DNAH8: variants seen among roughly 807,000 people sequenced by gnomAD.
The protein encoded by DNAH8 is axonemal beta dynein heavy chain 8.
A neutral mutation model predicts 562.1 loss-of-function variants in DNAH8; 382 were observed. The ratio of observed to expected loss-of-function variants is 0.68; its 90% confidence interval spans 0.63 to 0.74. The LOEUF is 0.74. Ranked by LOEUF, DNAH8 falls within the 30% of genes least tolerant of loss-of-function variation. The pLI is 0.00. For synonymous variants in DNAH8, 1,881 were observed against 1,919.4 expected, an observed-to-expected ratio of 0.98 and a Z score of 0.52; for missense variants, 5,203 against 5,620.4, an observed-to-expected ratio of 0.93 and a Z score of 2.37.
At chr6:38,876,882 T>C (rs1243087586) in intron 53 of DNAH8, among the ~76,000 whole-genome samples, 1 of 152,154 alleles carries the variant, frequency 6.6e-6, no homozygotes, top group East Asian at 1.9e-4. Context: ...AGTGGAAATT[T>C]GTGTTTGAAA....
chr6:38,722,075 G>C (rs1762796996), intron 1 of DNAH8, among the ~76,000 whole-genome samples: 1 of 152,162 alleles, frequency 6.6e-6, no homozygotes, highest in African/African-American at 2.4e-5. Context: ...CCATGGTTAT[G>C]TGCTCATAAC....
intron 40 of DNAH8, among the ~76,000 whole-genome samples, 159 bp from the exon 41 acceptor site, chr6:38,853,027 T>TATAG (rs1300730121): frequency 6.6e-6 from 1 of 152,226 alleles, no homozygotes; most frequent in African/African-American, 2.4e-5. Context: ...TCCTTCCAGC[T>TATAG]ATAGTATTAG....
chr6:38,874,302 TC>T (rs1323092855), intron 52 of DNAH8, among the ~76,000 whole-genome samples: 1 of 54,160 alleles, frequency 1.8e-5, no homozygotes, highest in Admixed American at 2.4e-4. Flanking sequence ...TCCCCTCCCC[TC>T]CCCTCCCCTT....
At chr6:38,732,692 T>C (rs1006361655) in intron 4 of DNAH8, among the ~76,000 whole-genome samples, 2 of 152,180 alleles carry the variant, frequency 1.3e-5, no homozygotes, top group Non-Finnish European at 2.9e-5. Context: ...CCTTTTTTTC[T>C]TTATGTGTAT....
chr6:38,737,915 A>G lies in DNAH8; in HGVS notation c.1059A>G (p.Ser353=). 3.1e-6 allele frequency: 5 copies of G among 1,608,414 alleles called. No individual in the cohort carries two copies. The highest frequency in any genetic ancestry group is 1.7e-6 in the Non-Finnish European group (2 of 1,177,730). The change falls in exon 7 of 93, where the codon TCA becomes TCG. Residue 353 remains serine, a synonymous_variant. Coordinates refer to ENST00000327475, the MANE Select transcript of DNAH8 (RefSeq NM_001206927.2). ...AAGTAACTGCTGCAGCCAGCAACTC[A>G]GAAACTGTTCATCAGCTGGAGGAAG... is the stretch of plus-strand genomic sequence containing the variant. ...FEEVTAAASN[S]ETVHQLEEVL...
rs1248071042 is a variant in DNAH8 at position 38,938,104 on chromosome 6, C to G, written c.11694C>G (p.Phe3898Leu). Residue 3898 changes from phenylalanine to leucine, a missense_variant, in exon 78 of 93, where the codon TTC (phenylalanine) becomes TTG (leucine). Physicochemically the swap from Phe to Leu is conservative, Grantham distance 22. Coordinates refer to ENST00000327475, the MANE Select transcript of DNAH8 (RefSeq NM_001206927.2). ...EIKINAAQEE[F>L]RPAATRGSIL... Reference sequence around the variant, plus strand: ...AGATCAACGCGGCTCAGGAGGAGTTCCGGCCCGCAGCCACCCGCGGAAGCA... The same window carrying G: ...AGATCAACGCGGCTCAGGAGGAGTTGCGGCCCGCAGCCACCCGCGGAAGCA... The G allele has an allele frequency of 6.2e-7, 1 of 1,613,972 alleles. No individual in the cohort carries two copies. The highest frequency in any genetic ancestry group is 1.3e-5 in the African/African-American group (1 of 74,982).
chr6:38,866,767 A>C lies in DNAH8; in HGVS notation c.6586-2A>C, dbSNP rs1777062925. On this transcript the variant is annotated splice_acceptor_variant, in intron 46 of 92. Transcript: ENST00000327475. LOFTEE classifies it high-confidence loss of function. The stretch of plus-strand genomic sequence containing the variant: ...AAAAAAACTCACTATATTAATTTTC[A>C]GATCATTATGAGAGTTAAACTTGCA... The C allele has an allele frequency of 6.2e-7, 1 of 1,607,234 alleles. No individual in the cohort carries two copies. Among genetic ancestry groups the C allele is most frequent in the East Asian group, 2.2e-5 (1 of 44,720 alleles).
At chr6:38,787,731 G>A (rs1380253424) in intron 18 of DNAH8, among the ~76,000 whole-genome samples, 2 of 148,216 alleles carry the variant, frequency 1.3e-5, no homozygotes, top group Non-Finnish European at 3.0e-5. Flanking sequence ...GCCATCAAAG[G>A]TTGATGATTG....
At chr6:38,835,996 A>C (rs1462187804) in intron 32 of DNAH8, among the ~76,000 whole-genome samples, 3 of 152,190 alleles carry the variant, frequency 2.0e-5, no homozygotes, top group Non-Finnish European at 4.4e-5. Flanking sequence ...CAAGCAAGTG[A>C]CACCTGTATA....
At chr6:38,773,410 C>T (rs1011415601) in intron 12 of DNAH8, among the ~76,000 whole-genome samples, 3 of 152,050 alleles carry the variant, frequency 2.0e-5, no homozygotes, top group Admixed American at 1.3e-4. Flanking sequence ...AAATAGCAGC[C>T]CAGGAATTCC....
At chr6:38,904,588 C>T (rs1463347783) in intron 62 of DNAH8, among the ~76,000 whole-genome samples, 9 of 151,826 alleles carry the variant, frequency 5.9e-5, no homozygotes, top group Non-Finnish European at 1.2e-4. Flanking sequence ...GTGAGGAGTT[C>T]GAGACTGGCT....
chr6:38,751,576 C>T (rs913080417), intron 9 of DNAH8, among the ~76,000 whole-genome samples: 3 of 152,168 alleles, frequency 2.0e-5, no homozygotes, highest in African/African-American at 7.2e-5. Flanking sequence ...ATCAGGGATG[C>T]AGGACAGAAC....
rs755587703 is a variant in DNAH8, at chr6:38,826,172, C to T, written c.3864C>T (p.Ala1288=). The T allele has an allele frequency of 6.2e-7, 1 of 1,603,860 alleles. No homozygotes were observed. Among genetic ancestry groups the T allele is most frequent in the Non-Finnish European group, 8.5e-7 (1 of 1,176,224 alleles). ...LELHTEPMKL[A]LSIEAKAWKM... ...CTTCATCAGAGCCGATGAAATTGGCCTTATCCATCGAGGCCAAGGCATGGA... is the reference window on the plus strand; with the variant it reads ...CTTCATCAGAGCCGATGAAATTGGCTTTATCCATCGAGGCCAAGGCATGGA... The change falls in exon 29 of 93, where the codon GCC becomes GCT. Residue 1288 remains alanine, a synonymous_variant. Coordinates refer to ENST00000327475, the MANE Select transcript of DNAH8 (RefSeq NM_001206927.2).
intron 65 of DNAH8, 118 bp from the exon 66 acceptor site, chr6:38,911,350 C>T: frequency 1.2e-6 from 1 of 802,702 alleles, no homozygotes; most frequent in Non-Finnish European, 2.2e-6. Flanking sequence ...TGCTCAAGTC[C>T]TGTCTTCCTG....
chr6:38,769,559 G>A (rs149869893), intron 11 of DNAH8, among the ~76,000 whole-genome samples: 134 of 152,338 alleles, frequency 8.8e-4, no homozygotes, highest in Non-Finnish European at 1.6e-3. Flanking sequence ...CCCACTTGCA[G>A]AAATTCTGAT....
At chr6:38,866,515 G>A in intron 45 of DNAH8, 76 bp from the exon 46 acceptor site, 1 of 1,004,800 alleles carries the variant, frequency 1.0e-6, no homozygotes. Context: ...ATCTGAATTA[G>A]GGGTTTGAAA....
chr6:38,862,570 A>G, intron 44 of DNAH8, 112 bp downstream of exon 44: 1 of 1,280,160 alleles, frequency 7.8e-7, no homozygotes, highest in South Asian at 1.5e-5. Context: ...CTACATTAGT[A>G]TGGGTTGATC....
intron 91 of DNAH8, 92 bp from the exon 92 acceptor site, chr6:39,026,453 GA>G: frequency 7.7e-7 from 1 of 1,301,056 alleles, no homozygotes; most frequent in Non-Finnish European, 1.1e-6. Flanking sequence ...GTAGTTTGGA[GA>G]TTGATAAGCA....
In DNAH8 at chr6:38,991,366, G is replaced by A. The variant is rs16891368; in HGVS notation, c.13214+1194G>A. ...AGTGGCAGCTCTTGCTGTTATCTAA[G>A]GAGGCTTTCATAAGTTATCTGGGGA... On this transcript the variant is annotated intron_variant, in intron 88 of 92. Coordinates refer to ENST00000327475, the MANE Select transcript of DNAH8 (RefSeq NM_001206927.2). Among the ~76,000 whole-genome samples, 1,693 of 152,300 alleles carry A rather than the reference G, an allele frequency of 0.011. 110 individuals are homozygous for A. In the East Asian group the frequency reaches 0.16, roughly 14 times the overall value.
Sources: allele counts gnomAD v4.1 joint callset (sites outside exome capture counted in the v4.1 genomes callset), GRCh38; gene constraint gnomAD v4.1.1; transcripts MANE v1.5; gene names NCBI Gene and HGNC (gene_info 2026-07-23, HGNC 2026-07-21).